Variants in CHRNA2 observed in about 807,000 individuals in gnomAD.
CHRNA2 encodes neuronal acetylcholine receptor subunit alpha-2.
In CHRNA2, 40 loss-of-function variants were observed where a neutral mutation model predicts 45.5. The ratio of observed to expected loss-of-function variants is 0.88; its 90% confidence interval spans 0.68 to 1.15. The LOEUF (loss-of-function observed/expected upper bound fraction) is 1.15, where lower values mean the gene tolerates loss of function less well. Among genes scored for constraint, CHRNA2 ranks in the 50% most tolerant of loss-of-function variants. The pLI is 0.00. For synonymous variants in CHRNA2, 301 were observed against 296.7 expected (o/e 1.01, Z -0.15); for missense variants, 655 against 701.7 (o/e 0.93, Z 0.75).
chr8:27,476,870 A>G (rs78196504), intron 1 of CHRNA2, among the ~76,000 whole-genome samples: 9,662 of 152,164 alleles, frequency 0.063, 643 homozygotes, highest in African/African-American at 0.17. Flanking sequence ...ACGTCTTCCT[A>G]AGAACACTGT....
intron 4 of CHRNA2, among the ~76,000 whole-genome samples, chr8:27,467,900 A>G (rs1195588599): frequency 6.6e-6 from 1 of 152,088 alleles, no homozygotes; most frequent in African/African-American, 2.4e-5. Context: ...GAGTCCCACC[A>G]GAGACGGGAT....
chr8:27,463,065 G>C lies in CHRNA2; in HGVS notation c.1378C>G (p.Leu460Val), dbSNP rs765948265. 14 of 1,613,170 alleles carry C rather than the reference G, an allele frequency of 8.7e-6. No individual in the cohort carries two copies. Among genetic ancestry groups the C allele is most frequent in the Non-Finnish European group, 1.1e-5 (13 of 1,179,194 alleles). Residue 460 changes from leucine to valine, a missense_variant, in exon 6 of 7, where the codon CTG becomes GTG. Transcript: ENST00000407991. The surrounding 1 kb of genome is among the most constrained non-coding windows in gnomAD (Gnocchi z 6.1). ...TTCTGCATGTGGGGTGATAGCAGCA[G>C]CTCACCCTCCTGCAGCAGAGCCTCA... is the stretch of plus-strand genomic sequence containing the variant. ...KAEALLQEGELLLSPHMQKAL... is the reference protein window; with the variant it reads ...KAEALLQEGEVLLSPHMQKAL...
rs144316375 is a variant in CHRNA2 at position 27,469,845 on chromosome 8, G to A, written c.210C>T (p.Tyr70=). 6.1e-5 allele frequency: 98 copies of A among 1,614,166 alleles called. 1 individual carries two copies. The African/African-American group carries it at 1.1e-3, about 18-fold the overall frequency. ...TGGGCACCGGGCGCGCCCAGCGGTT[G>A]TAGCCCCGGAAGAGGTGTTTGAAGA... The part of the protein sequence containing the change: ...DRLFKHLFRG[Y]NRWARPVPNT... The change falls in exon 3 of 7, where the codon TAC becomes TAT. Residue 70 remains tyrosine, a synonymous_variant. Transcript: ENST00000407991.
chr8:27,469,425 C>A, intron 3 of CHRNA2, 46 bp from the exon 4 acceptor site: 1 of 1,539,698 alleles, frequency 6.5e-7, no homozygotes, highest in Non-Finnish European at 8.8e-7. Context: ...GTGGGCCCAG[C>A]CCCAGAAGAC....
At chr8:27,474,605 C>G (rs951872347) in intron 1 of CHRNA2, among the ~76,000 whole-genome samples, 1 of 152,212 alleles carries the variant, frequency 6.6e-6, no homozygotes, top group African/African-American at 2.4e-5. Context: ...AGAATGGTGC[C>G]TCCAGGGGGA....
Position 27,467,298 on chromosome 8 carries a change from A to G in CHRNA2, c.380T>C (p.Phe127Ser), listed in dbSNP as rs777304017. The change falls in exon 5 of 7, where the codon TTT becomes TCT. Residue 127 changes from phenylalanine to serine, a missense_variant. Physicochemically the swap from Phe to Ser is radical, Grantham distance 155 (BLOSUM62 -2). Transcript: ENST00000407991. Reference protein sequence around the residue: ...DYKLRWNPTDFGNITSLRVPS... With the variant: ...DYKLRWNPTDSGNITSLRVPS... Reference sequence around the variant, plus strand: ...GACCCTGAGAGATGTGATGTTGCCAAAATCAGTGGGGTTCCAGCGCAGTTT... The same window carrying G: ...GACCCTGAGAGATGTGATGTTGCCAGAATCAGTGGGGTTCCAGCGCAGTTT... The G allele has an allele frequency of 1.2e-6, 2 of 1,614,044 alleles. No homozygotes were observed. Among genetic ancestry groups the G allele is most frequent in the East Asian group, 2.2e-5 (1 of 44,886 alleles).
At chr8:27,477,771 A>T (rs1813103647) in intron 1 of CHRNA2, among the ~76,000 whole-genome samples, 2 of 152,138 alleles carry the variant, frequency 1.3e-5, no homozygotes, top group East Asian at 1.9e-4. Context: ...AGAGAGTGGG[A>T]TGAGGTCCCT....
chr8:27,478,563 G>A (rs577994829), intron 1 of CHRNA2, among the ~76,000 whole-genome samples: 1 of 152,326 alleles, frequency 6.6e-6, no homozygotes, highest in Non-Finnish European at 1.5e-5. Context: ...AGACATAGGA[G>A]CAGATACAGT....
chr8:27,464,595 G>A (rs1358096527), intron 5 of CHRNA2, among the ~76,000 whole-genome samples: 1 of 151,980 alleles, frequency 6.6e-6, no homozygotes, highest in African/African-American at 2.4e-5. Flanking sequence ...ATCACAGGGG[G>A]TCAAAGCTGT....
rs766863642 is a variant in CHRNA2 at position 27,469,977 on chromosome 8, T to C, written c.78A>G (p.Gly26=). The part of the protein sequence containing the change: ...LWWLLLTPAG[G]EEAKRPPPRA... ...TGGGAGGTGGGCGCTTAGCTTCCTC[T>C]CCACCTGCCATCAAATCAGAGCCAC... The change falls in exon 3 of 7, where the codon GGA becomes GGG. Residue 26 remains glycine, a synonymous_variant. Transcript: ENST00000407991. 6.2e-7 allele frequency: 1 copy of C among 1,612,374 alleles called. No individual in the cohort carries two copies.
chr8:27,477,737 G>A (rs1813102886), intron 1 of CHRNA2, among the ~76,000 whole-genome samples: 1 of 152,166 alleles, frequency 6.6e-6, no homozygotes, highest in Admixed American at 6.5e-5. Context: ...CTAAGTGGCT[G>A]GATTGGCAGA....
chr8:27,465,415 A>G (rs1447140321), intron 5 of CHRNA2, among the ~76,000 whole-genome samples: 1 of 150,570 alleles, frequency 6.6e-6, no homozygotes, highest in East Asian at 1.9e-4. Flanking sequence ...GGAGTAACAA[A>G]TACATTGAGA....
chr8:27,464,037 T>G, intron 5 of CHRNA2, 44 bp from the exon 6 acceptor site: 1 of 1,609,100 alleles, frequency 6.2e-7, no homozygotes, highest in Non-Finnish European at 8.5e-7. Context: ...CACACCCACC[T>G]GCCTGAGCCA....
intron 1 of CHRNA2, among the ~76,000 whole-genome samples, chr8:27,477,781 T>A (rs1211546092): frequency 6.6e-6 from 1 of 152,072 alleles, no homozygotes; most frequent in Non-Finnish European, 1.5e-5. Flanking sequence ...ATGAGGTCCC[T>A]AATTGTAAAG....
chr8:27,471,388 G>A lies in CHRNA2; in HGVS notation c.-136-194C>T, dbSNP rs372197535. Among the ~76,000 whole-genome samples, 76 of 152,334 alleles carry A rather than the reference G, an allele frequency of 5.0e-4. 2 individuals are homozygous for A. The highest frequency in any genetic ancestry group is 1.8e-3 in the African/African-American group (74 of 41,566). ...TCCTCTTTCTCCAGAGTCAGCCAGC[G>A]ACTCTGCCCTAAGACCAGCCCTGAC... On this transcript the variant is annotated intron_variant, in intron 1 of 6. Coordinates refer to ENST00000407991, the MANE Select transcript of CHRNA2 (RefSeq NM_000742.4).
chr8:27,475,724 C>G (rs952837284), intron 1 of CHRNA2, among the ~76,000 whole-genome samples: 1 of 151,972 alleles, frequency 6.6e-6, no homozygotes, highest in Non-Finnish European at 1.5e-5. Flanking sequence ...TATATTTTAC[C>G]ACAAAAATAG....
rs1287649874 is a variant in CHRNA2, at chr8:27,462,995, T to A, written c.1448A>T (p.Glu483Val). 2 of 1,614,050 alleles carry A rather than the reference T, an allele frequency of 1.2e-6. No homozygotes were observed. Among genetic ancestry groups the A allele is most frequent in the South Asian group, 2.2e-5 (2 of 91,088 alleles). Residue 483 changes from glutamate (E) to valine (V), a missense_variant, in exon 6 of 7, where the codon GAG (glutamate) becomes GTG (valine). Coordinates refer to ENST00000407991, the MANE Select transcript of CHRNA2 (RefSeq NM_000742.4). ...CCAACGCACCGAAGAGTCAGCATCC[T>A]CAGACCGCAGGTGGTCGGCAATGTA... ...VHYIADHLRS[E>V]DADSSVKEDW...
At chr8:27,472,445 A>T (rs1483489771) in intron 1 of CHRNA2, among the ~76,000 whole-genome samples, 1 of 152,196 alleles carries the variant, frequency 6.6e-6, no homozygotes, top group Non-Finnish European at 1.5e-5. Flanking sequence ...CTGCTGCAGA[A>T]TTGACAGCTT....
chr8:27,461,539 C>T lies in CHRNA2; in HGVS notation c.*90G>A, dbSNP rs1360955843. Reference sequence around the variant, plus strand: ...ACTCCGCGGAGAGGCACCTGCTCATCCCAAAGGGGACACCAGAGGCAGCTG... The same window carrying T: ...ACTCCGCGGAGAGGCACCTGCTCATTCCAAAGGGGACACCAGAGGCAGCTG... On this transcript the variant is annotated 3_prime_UTR_variant, in exon 7 of 7. Transcript: ENST00000407991. 4 of 1,588,712 alleles carry T rather than the reference C, an allele frequency of 2.5e-6. No individual in the cohort carries two copies. Among genetic ancestry groups the T allele is most frequent in the Non-Finnish European group, 3.4e-6 (4 of 1,160,620 alleles).
Sources: allele counts gnomAD v4.1 joint callset (sites outside exome capture counted in the v4.1 genomes callset), GRCh38; gene constraint gnomAD v4.1.1; non-coding constraint Gnocchi (gnomAD v3.1); transcripts MANE v1.5; gene names NCBI Gene and HGNC (gene_info 2026-07-23, HGNC 2026-07-21).